The following LIPA variants were observed in gnomAD, a reference collection of about 807,000 sequenced individuals.
LIPA encodes the protein lipase A, lysosomal acid type, also known as lysosomal acid lipase/cholesteryl ester hydrolase.
A neutral mutation model predicts 40.6 loss-of-function variants in LIPA; 26 were observed. The ratio of observed to expected loss-of-function variants is 0.64; its 90% CI spans 0.47 to 0.89. LIPA has a LOEUF of 0.89. LIPA is among the 40% of genes least tolerant of loss of function. The probability of loss-of-function intolerance (pLI) is 0.00; values close to 1 mark genes in which losing one functional copy is unlikely to be tolerated. For synonymous variants in LIPA, 188 were observed against 168.4 expected (o/e 1.12, Z -0.90); for missense variants, 455 against 479.6 (o/e 0.95, Z 0.48).
intron 3 of LIPA, among the ~76,000 whole-genome samples, chr10:89,238,681 C>T (rs1174878789): frequency 6.6e-6 from 1 of 152,162 alleles, no homozygotes; most frequent in Non-Finnish European, 1.5e-5. Context: ...TGATGATCCA[C>T]TTCCACTTAA....
chr10:89,265,712 T>C (rs1459546796), intron 1 of LIPA, among the ~76,000 whole-genome samples: 1 of 152,256 alleles, frequency 6.6e-6, no homozygotes, highest in African/African-American at 2.4e-5. Flanking sequence ...TGCTTGACTA[T>C]AGACAAACAT....
intron 1 of LIPA, among the ~76,000 whole-genome samples, chr10:89,272,463 G>A (rs535346456): frequency 6.6e-6 from 1 of 152,320 alleles, no homozygotes; most frequent in South Asian, 2.1e-4. Flanking sequence ...ATTCCATAGT[G>A]TATGTGTACA....
intron 1 of LIPA, among the ~76,000 whole-genome samples, chr10:89,303,618 C>G (rs1479404338): frequency 6.6e-6 from 1 of 152,172 alleles, no homozygotes; most frequent in Non-Finnish European, 1.5e-5. Flanking sequence ...AATGGCTGCT[C>G]AAAGGGCTTT....
chr10:89,412,583 C>T (rs528330418), intron 2 of LIPA: 46 of 169,338 alleles, frequency 2.7e-4, no homozygotes, highest in Admixed American at 1.3e-3. Flanking sequence ...CGCAACGAAT[C>T]TTGCTGCTGC....
intron 8 of LIPA, among the ~76,000 whole-genome samples, chr10:89,222,130 T>G (rs7922269): frequency 0.2 from 29,959 of 151,134 alleles, 4,782 homozygotes; most frequent in East Asian, 0.76. Flanking sequence ...TTAAAATCAC[T>G]CTTTATGAAG....
At chr10:89,378,495 G>T (rs139935818) in intron 2 of LIPA, among the ~76,000 whole-genome samples, 1 of 152,124 alleles carries the variant, frequency 6.6e-6, no homozygotes, top group African/African-American at 2.4e-5. Flanking sequence ...TAGGGGAGGG[G>T]CTTCTCAAGA....
chr10:89,228,169 T>C (rs754316203), intron 4 of LIPA, 31 bp downstream of exon 4: 1 of 1,578,396 alleles, frequency 6.3e-7, no homozygotes, highest in East Asian at 2.2e-5. Context: ...ACTAAGGAAA[T>C]ACATCCATGC....
intron 2 of LIPA, among the ~76,000 whole-genome samples, chr10:89,356,051 A>T (rs1843986892): frequency 6.6e-6 from 1 of 152,068 alleles, no homozygotes; most frequent in African/African-American, 2.4e-5. Flanking sequence ...TTATTCCTTT[A>T]CTTTCTTAAT....
At chr10:89,271,207 G>T (rs1843264212) in intron 1 of LIPA, among the ~76,000 whole-genome samples, 1 of 152,160 alleles carries the variant, frequency 6.6e-6, no homozygotes, top group Admixed American at 6.5e-5. Context: ...TTTATAGATG[G>T]TTCTGCACAA....
At chr10:89,319,266 T>A (rs1843558069) in intron 1 of LIPA, among the ~76,000 whole-genome samples, 1 of 151,940 alleles carries the variant, frequency 6.6e-6, no homozygotes, top group Non-Finnish European at 1.5e-5. Context: ...AATCAATGAA[T>A]CCAGGAACTG....
At chr10:89,215,244 C>G (rs1842609759) in intron 9 of LIPA, among the ~76,000 whole-genome samples, 183 bp from the exon 10 acceptor site, 1 of 152,164 alleles carries the variant, frequency 6.6e-6, no homozygotes, top group South Asian at 2.1e-4. Flanking sequence ...AATCTAACCC[C>G]AAATGAGAGA....
intron 1 of LIPA, among the ~76,000 whole-genome samples, chr10:89,280,654 C>T (rs891717276): frequency 5.3e-5 from 8 of 152,178 alleles, no homozygotes; most frequent in Admixed American, 1.3e-4. Context: ...TACTTTTGAC[C>T]GTAGCCCATA....
chr10:89,332,676 A>G (rs750030459), intron 1 of LIPA: 16 of 1,560,950 alleles, frequency 1.0e-5, no homozygotes, highest in South Asian at 8.9e-5. Flanking sequence ...CTTATGTACA[A>G]CTTCCTGACT....
intron 1 of LIPA, among the ~76,000 whole-genome samples, chr10:89,291,521 C>T (rs1295484363): frequency 6.6e-6 from 1 of 152,148 alleles, no homozygotes; most frequent in Non-Finnish European, 1.5e-5. Flanking sequence ...CCATGATACA[C>T]ATGAGTTATA....
intron 5 of LIPA, among the ~76,000 whole-genome samples, chr10:89,226,069 T>G (rs1017351872): frequency 1.3e-5 from 2 of 152,154 alleles, no homozygotes; most frequent in African/African-American, 4.8e-5. Context: ...TACAACCCTC[T>G]CTGACGTCTT....
intron 1 of LIPA, among the ~76,000 whole-genome samples, chr10:89,259,743 T>G (rs1843197583): frequency 6.6e-6 from 1 of 152,204 alleles, no homozygotes; most frequent in African/African-American, 2.4e-5. Context: ...GCAACATGAA[T>G]GACTCTTAAA....
chr10:89,232,302 C>A (rs993512372), intron 3 of LIPA, among the ~76,000 whole-genome samples: 2 of 152,044 alleles, frequency 1.3e-5, no homozygotes, highest in Admixed American at 6.6e-5. Flanking sequence ...TGTTGAGGCA[C>A]TTTTCACCCA....
rs960279960 is a variant in LIPA, at chr10:89,318,736, C to T, written c.-2+23875G>A. 4.6e-5 allele frequency among the ~76,000 whole-genome samples: 7 copies of T among 152,230 alleles called. No homozygotes were observed. The South Asian group carries it at 6.2e-4, about 14-fold the overall frequency. On this transcript the variant is annotated intron_variant, in intron 1 of 5. Transcript: ENST00000282673. Reference sequence around the variant, plus strand: ...ACCTAATAGACATCTACAGAACTCTCCACCCCAAATCAACAGAATATACAT... The same window carrying T: ...ACCTAATAGACATCTACAGAACTCTTCACCCCAAATCAACAGAATATACAT...
At chr10:89,301,452 G>A (rs1379019555) in intron 1 of LIPA, among the ~76,000 whole-genome samples, 2 of 152,224 alleles carry the variant, frequency 1.3e-5, no homozygotes, top group African/African-American at 4.8e-5. Flanking sequence ...AAGGCAGGGA[G>A]CTTTGTAAAT....
Sources: allele counts gnomAD v4.1 joint callset (sites outside exome capture counted in the v4.1 genomes callset), GRCh38; gene constraint gnomAD v4.1.1; transcripts MANE v1.5; gene names NCBI Gene and HGNC (gene_info 2026-07-23, HGNC 2026-07-21).